Variants in HHAT observed in about 807,000 individuals in gnomAD.
HHAT encodes the protein hedgehog acyltransferase.
A neutral mutation model predicts 70.8 loss-of-function variants in HHAT; 47 were observed. The ratio of observed to expected loss-of-function variants is 0.66; its 90% CI spans 0.53 to 0.85. The LOEUF is 0.85. Among genes scored for constraint, HHAT ranks in the 40% least tolerant of loss-of-function variants. HHAT has a pLI of 0.00. For missense variants in HHAT, 609 were observed against 604.8 expected (o/e 1.01, Z -0.07); for synonymous variants, 228 against 247.6 (o/e 0.92, Z 0.74).
At chr1:210,424,032 G>T (rs2092983843) in intron 7 of HHAT, among the ~76,000 whole-genome samples, 1 of 152,078 alleles carries the variant, frequency 6.6e-6, no homozygotes, top group Non-Finnish European at 1.5e-5. Context: ...GATCTTTTGT[G>T]GTTCCACACA....
At chr1:210,571,328 C>A (rs562371563) in intron 9 of HHAT, among the ~76,000 whole-genome samples, 6 of 152,262 alleles carry the variant, frequency 3.9e-5, no homozygotes, top group African/African-American at 1.2e-4. Context: ...GGCATGCGGG[C>A]GCTTGGAGGG....
chr1:210,534,031 T>G lies in HHAT; in HGVS notation c.1043+20843T>G, dbSNP rs139568437. On this transcript the variant is annotated intron_variant, in intron 9 of 11. Transcript: ENST00000261458. ...ATGGATGGGGAGCCAGTGGGGGAAA[T>G]GAGGAGTCTCAGGCTACTGTATAGA... 7.8e-4 allele frequency among the ~76,000 whole-genome samples: 118 copies of G among 152,104 alleles called. No individual in the cohort carries two copies. The Middle Eastern group carries it at 0.01, about 13-fold the overall frequency.
chr1:210,370,016 T>A (rs1021005289), intron 3 of HHAT, among the ~76,000 whole-genome samples: 1 of 152,100 alleles, frequency 6.6e-6, no homozygotes, highest in Admixed American at 6.6e-5. Flanking sequence ...GCCCTCTGAC[T>A]GATTTTCCTG....
At chr1:210,571,329 G>C (rs781437844) in intron 9 of HHAT, among the ~76,000 whole-genome samples, 1 of 152,192 alleles carries the variant, frequency 6.6e-6, no homozygotes, top group Non-Finnish European at 1.5e-5. Flanking sequence ...GCATGCGGGC[G>C]CTTGGAGGGC....
chr1:210,329,875 T>C (rs1481912134), intron 1 of HHAT, among the ~76,000 whole-genome samples: 1 of 152,178 alleles, frequency 6.6e-6, no homozygotes, highest in Non-Finnish European at 1.5e-5. Flanking sequence ...GCCTCCTGAG[T>C]AGCTGGGATT....
intron 2 of HHAT, among the ~76,000 whole-genome samples, chr1:210,353,171 G>A (rs536339409): frequency 7.9e-5 from 12 of 151,840 alleles, no homozygotes; most frequent in Non-Finnish European, 1.2e-4. Flanking sequence ...CCTGACCTGG[G>A]GTAATCCACT....
intron 8 of HHAT, among the ~76,000 whole-genome samples, chr1:210,496,837 C>G (rs377280635): frequency 6.6e-6 from 1 of 152,166 alleles, no homozygotes; most frequent in Non-Finnish European, 1.5e-5. Context: ...ACTGTTTGTC[C>G]TTAACTGAAT....
rs192916121 is a variant in HHAT at position 210,531,905 on chromosome 1, G to C, written c.1043+18717G>C. Among the ~76,000 whole-genome samples the C allele has an allele frequency of 1.2e-3, 188 of 152,304 alleles. 1 individual carries two copies. The highest frequency in any genetic ancestry group is 4.4e-3 in the African/African-American group (181 of 41,568). ...ATAATCTTTTTTGACAAGACAGATA[G>C]AAGAGCATTTTCTACACCAACAGGT... On this transcript the variant is annotated intron_variant, in intron 9 of 11. Coordinates refer to ENST00000261458, the MANE Select transcript of HHAT (RefSeq NM_018194.6).
intron 8 of HHAT, among the ~76,000 whole-genome samples, chr1:210,488,319 A>G (rs2094502999): frequency 6.6e-6 from 1 of 152,074 alleles, no homozygotes; most frequent in African/African-American, 2.4e-5. Flanking sequence ...TAAAACTTCA[A>G]CTGACATCCC....
In HHAT at chr1:210,418,226, T is replaced by A. The variant is rs1558477308; in HGVS notation, c.757T>A (p.Cys253Ser). 6.2e-7 allele frequency: 1 copy of A among 1,614,120 alleles called. No individual in the cohort carries two copies. Among genetic ancestry groups the A allele is most frequent in the East Asian group, 2.2e-5 (1 of 44,874 alleles). ...VLALGLGRLL[C>S]WWWLAELMAH... ...GGCCCTGGGGCTGGGCCGCCTTCTTTGCTGGTGGTGGCTGGCCGAGCTGAT... is the reference window on the plus strand; with the variant it reads ...GGCCCTGGGGCTGGGCCGCCTTCTTAGCTGGTGGTGGCTGGCCGAGCTGAT... The change falls in exon 7 of 12, where the codon TGC becomes AGC. Residue 253 changes from cysteine (C) to serine (S), a missense_variant. By Grantham distance (112) the Cys-to-Ser change is moderately radical (BLOSUM62 -1). Coordinates refer to ENST00000261458, the MANE Select transcript of HHAT (RefSeq NM_018194.6).
At chr1:210,531,556 C>G (rs1397063399) in intron 9 of HHAT, among the ~76,000 whole-genome samples, 1 of 152,206 alleles carries the variant, frequency 6.6e-6, no homozygotes, top group African/African-American at 2.4e-5. Context: ...AATCCCTACT[C>G]TACTGCATAC....
chr1:210,438,116 T>C (rs1042934095), intron 7 of HHAT, among the ~76,000 whole-genome samples: 4 of 151,760 alleles, frequency 2.6e-5, no homozygotes, highest in Non-Finnish European at 5.9e-5. Context: ...AGTCAGCATA[T>C]TGGGAGGAGG....
rs143672699 is a variant in HHAT at position 210,665,834 on chromosome 1, C to G, written c.1391-8454C>G. ...AAACCAAAGTTTGAGAATCTGCTAG[C>G]TGGGTGCTCTATGACAAGTTATTTA... On this transcript the variant is annotated intron_variant, in intron 11 of 11. Transcript: ENST00000261458. 3.3e-4 allele frequency among the ~76,000 whole-genome samples: 51 copies of G among 152,342 alleles called. No homozygotes were observed. The East Asian group carries it at 8.9e-3, about 26-fold the overall frequency.
rs572841072 is a variant in HHAT at position 210,549,538 on chromosome 1, G to A, written c.1043+36350G>A. ...AGTCAGTGCTCAAAGGCCATTTGAT[G>A]GGAAGACATCCATATGCCTACAGGG... On this transcript the variant is annotated intron_variant, in intron 9 of 11. Coordinates refer to ENST00000261458, the MANE Select transcript of HHAT (RefSeq NM_018194.6). Among the ~76,000 whole-genome samples the A allele has an allele frequency of 4.7e-5, 7 of 148,938 alleles. No homozygotes were observed. In the South Asian group the frequency reaches 1.5e-3, roughly 32 times the overall value.
chr1:210,495,846 A>G (rs1160453999), intron 8 of HHAT, among the ~76,000 whole-genome samples: 1 of 152,018 alleles, frequency 6.6e-6, no homozygotes, highest in East Asian at 1.9e-4. Context: ...CATCTCTGCT[A>G]AAAATACAAA....
At chr1:210,368,988 G>C (rs1411852779) in intron 3 of HHAT, among the ~76,000 whole-genome samples, 2 of 151,986 alleles carry the variant, frequency 1.3e-5, no homozygotes, top group African/African-American at 4.8e-5. Context: ...TGAGGCAGGA[G>C]AATCGCTTGA....
chr1:210,376,475 T>C (rs1285513020), intron 3 of HHAT, among the ~76,000 whole-genome samples: 1 of 152,216 alleles, frequency 6.6e-6, no homozygotes, highest in Non-Finnish European at 1.5e-5. Context: ...TTGTAGCTTG[T>C]GTTTTAAAGT....
chr1:210,506,932 T>C (rs544666089), intron 8 of HHAT, among the ~76,000 whole-genome samples: 1 of 152,370 alleles, frequency 6.6e-6, no homozygotes, highest in Non-Finnish European at 1.5e-5. Context: ...TCAGTCACAC[T>C]GCATTGAAAT....
At chr1:210,580,529 C>T (rs894462177) in intron 9 of HHAT, among the ~76,000 whole-genome samples, 1 of 133,228 alleles carries the variant, frequency 7.5e-6, no homozygotes, top group Non-Finnish European at 1.6e-5. Flanking sequence ...TGTGTTGTTC[C>T]CCTGTCTGTA....
Sources: gnomAD v4.1 joint callset for allele counts (sites outside exome capture counted in the v4.1 genomes callset) on GRCh38, gnomAD v4.1.1 for gene constraint, MANE v1.5 for transcripts, NCBI Gene and HGNC (gene_info 2026-07-23, HGNC 2026-07-21) for gene names.